PCDHA12: variants seen among roughly 807,000 people sequenced by gnomAD.
PCDHA12 encodes the protein protocadherin alpha 12, also known as protocadherin alpha-12.
A neutral mutation model predicts 60.0 loss-of-function variants in PCDHA12; 44 were observed. The ratio of observed to expected loss-of-function variants is 0.73; its 90% CI spans 0.58 to 0.94. The LOEUF (loss-of-function observed/expected upper bound fraction) is 0.94. PCDHA12 is among the 40% of genes least tolerant of loss of function. The pLI is 0.00. For synonymous variants in PCDHA12, 569 were observed against 553.0 expected (o/e 1.03, Z -0.40); for missense variants, 1,276 against 1,239.7 (o/e 1.03, Z -0.44).
rs781959040 is a variant in PCDHA12 at position 140,968,057 on chromosome 5, C to A, written c.2368-10892C>A. 2.5e-6 allele frequency: 4 copies of A among 1,613,992 alleles called. 1 individual carries two copies. Among genetic ancestry groups the A allele is most frequent in the South Asian group, 2.2e-5 (2 of 91,082 alleles). ...GGTGAGCGGCCCACTGGACCGAGAGCGGGTGGCTGTCTACAACATCACGGT... is the reference window on the plus strand; with the variant it reads ...GGTGAGCGGCCCACTGGACCGAGAGAGGGTGGCTGTCTACAACATCACGGT... On this transcript the variant is annotated intron_variant, in intron 1 of 3. Transcript: ENST00000398631.
chr5:140,875,571 C>T lies in PCDHA12; in HGVS notation c.99C>T (p.Tyr33=), dbSNP rs782529259. The T allele has an allele frequency of 7.4e-6, 12 of 1,613,992 alleles. No individual in the cohort carries two copies. The Admixed American group carries it at 1.8e-4, about 25-fold the overall frequency. ...AGGTGGGGAGCGGCCAGCTCCACTACTCCGTCTACGAGGAGGCCAAACACG... is the reference window on the plus strand; with the variant it reads ...AGGTGGGGAGCGGCCAGCTCCACTATTCCGTCTACGAGGAGGCCAAACACG... ...AWEVGSGQLH[Y]SVYEEAKHGT... Residue 33 remains tyrosine (Y), a synonymous_variant, in exon 1 of 4, where the codon TAC becomes TAT. Transcript: ENST00000398631.
intron 3 of PCDHA12, among the ~76,000 whole-genome samples, chr5:141,008,968 T>C (rs1241825350): frequency 6.6e-6 from 1 of 152,256 alleles, no homozygotes; most frequent in Non-Finnish European, 1.5e-5. Flanking sequence ...AATACATTTA[T>C]AGCCAAAGTT....
Position 140,927,704 on chromosome 5 carries a change from C to T in PCDHA12, c.2367+49865C>T, listed in dbSNP as rs782172290. ...GGGTCCAATGGGGAAGTCCAGTACT[C>T]CCTAAGCAACAGCACGCAAGCAGAG... On this transcript the variant is annotated intron_variant, in intron 1 of 3. Coordinates refer to ENST00000398631, the MANE Select transcript of PCDHA12 (RefSeq NM_018903.4). 6.2e-6 allele frequency: 10 copies of T among 1,614,072 alleles called. No homozygotes were observed. In the Admixed American group the frequency reaches 1.2e-4, roughly 19 times the overall value.
intron 1 of PCDHA12, among the ~76,000 whole-genome samples, chr5:140,919,193 T>C (rs1444043948): frequency 6.6e-6 from 1 of 152,262 alleles, no homozygotes; most frequent in African/African-American, 2.4e-5. Flanking sequence ...ATTGGTCCTT[T>C]TGTCATTATA....
At chr5:140,948,395 T>C (rs1317288202) in intron 1 of PCDHA12, among the ~76,000 whole-genome samples, 1 of 151,580 alleles carries the variant, frequency 6.6e-6, no homozygotes, top group African/African-American at 2.4e-5. Context: ...TTCTGAAAGG[T>C]TGTGTAATAT....
At chr5:140,889,456 T>A (rs1328565593) in intron 1 of PCDHA12, among the ~76,000 whole-genome samples, 1 of 152,126 alleles carries the variant, frequency 6.6e-6, no homozygotes, top group Admixed American at 6.5e-5. Flanking sequence ...TTAATCTAAA[T>A]TTTCAGTTAT....
intron 1 of PCDHA12, chr5:140,882,698 G>GA: frequency 6.2e-7 from 1 of 1,614,200 alleles, no homozygotes; most frequent in Non-Finnish European, 8.5e-7. Flanking sequence ...AATCATTGCA[G>GA]AATCTAGACC....
intron 1 of PCDHA12, chr5:140,927,270 C>G: frequency 6.2e-7 from 1 of 1,614,150 alleles, no homozygotes; most frequent in Non-Finnish European, 8.5e-7. Context: ...TCTTTCCTGC[C>G]GGCGACGTGC....
At chr5:140,931,574 C>A (rs1311706898) in intron 1 of PCDHA12, among the ~76,000 whole-genome samples, 1 of 152,024 alleles carries the variant, frequency 6.6e-6, no homozygotes, top group Non-Finnish European at 1.5e-5. Flanking sequence ...CCATCCCATT[C>A]ATTCAGTTGA....
chr5:140,991,923 C>T (rs996562269), intron 3 of PCDHA12, among the ~76,000 whole-genome samples: 1 of 152,088 alleles, frequency 6.6e-6, no homozygotes, highest in Non-Finnish European at 1.5e-5. Flanking sequence ...TGTAACATAA[C>T]ATATTCACAA....
chr5:141,002,146 CT>C (rs2098061512), intron 3 of PCDHA12, among the ~76,000 whole-genome samples: 1 of 152,250 alleles, frequency 6.6e-6, no homozygotes, highest in Admixed American at 6.5e-5. Flanking sequence ...GCTGCACTGA[CT>C]TAGCAGAGTG....
intron 1 of PCDHA12, among the ~76,000 whole-genome samples, chr5:140,901,786 T>C (rs2068901288): frequency 6.6e-6 from 1 of 152,242 alleles, no homozygotes; most frequent in South Asian, 2.1e-4. Context: ...TAGATTACTT[T>C]GGGTAGTATG....
At chr5:140,958,098 G>A (rs1170347696) in intron 1 of PCDHA12, among the ~76,000 whole-genome samples, 4 of 152,088 alleles carry the variant, frequency 2.6e-5, no homozygotes, top group South Asian at 2.1e-4. Context: ...ACAATAGTGT[G>A]TAGAGTGTGG....
intron 1 of PCDHA12, among the ~76,000 whole-genome samples, chr5:140,941,202 C>CTTTCCTTCTTT (rs1554213921): frequency 8.1e-6 from 1 of 122,742 alleles, no homozygotes; most frequent in Non-Finnish European, 1.8e-5. Flanking sequence ...TTTCTTTCTT[C>CTTTCCTTCTTT]CTTTCTTTCT....
intron 1 of PCDHA12, chr5:140,884,825 T>C (rs543714024): frequency 1.0e-6 from 1 of 967,424 alleles, no homozygotes; most frequent in Non-Finnish European, 1.5e-6. Flanking sequence ...CATTATGTGT[T>C]GGATTATCCT....
At chr5:141,009,257 C>T (rs1375950001) in intron 3 of PCDHA12, among the ~76,000 whole-genome samples, 1 of 152,136 alleles carries the variant, frequency 6.6e-6, no homozygotes, top group East Asian at 1.9e-4. Flanking sequence ...GTGTTTGAGA[C>T]CAGCCTGGGC....
At position 141,010,065 on chromosome 5, in the gene PCDHA12, A is replaced by G; in HGVS notation, c.*128A>G. The stretch of plus-strand genomic sequence containing the variant: ...CTTAGAGACCTCAGAAATCTGCAGA[A>G]AGTTCCCTGTGTCTGTCTAGAACGC... On this transcript the variant is annotated 3_prime_UTR_variant, in exon 4 of 4. Coordinates refer to ENST00000398631, the MANE Select transcript of PCDHA12 (RefSeq NM_018903.4). The G allele has an allele frequency of 1.9e-6, 3 of 1,603,546 alleles. No homozygotes were observed. The highest frequency in any genetic ancestry group is 1.1e-5 in the South Asian group (1 of 89,360).
chr5:140,949,040 A>G (rs1419524123), intron 1 of PCDHA12, among the ~76,000 whole-genome samples: 1 of 151,758 alleles, frequency 6.6e-6, no homozygotes, highest in Non-Finnish European at 1.5e-5. Flanking sequence ...ATTTAAAAGT[A>G]TGTTCTAATT....
chr5:141,007,107 A>G (rs1162403610), intron 3 of PCDHA12, among the ~76,000 whole-genome samples: 1 of 152,190 alleles, frequency 6.6e-6, no homozygotes, highest in Non-Finnish European at 1.5e-5. Context: ...GCCAAACCCA[A>G]GGAAGCTTCA....
Sources: gnomAD v4.1 joint callset for allele counts (sites outside exome capture counted in the v4.1 genomes callset) on GRCh38, gnomAD v4.1.1 for gene constraint, MANE v1.5 for transcripts, NCBI Gene and HGNC (gene_info 2026-07-23, HGNC 2026-07-21) for gene names.